Variants in KCNIP4 observed in about 807,000 individuals in gnomAD.
KCNIP4 encodes the protein Kv channel-interacting protein 4.
A neutral mutation model predicts 34.0 loss-of-function variants in KCNIP4; 12 were observed. That is an observed-to-expected ratio of 0.35 (90% confidence interval 0.23 to 0.57). The LOEUF (loss-of-function observed/expected upper bound fraction) is 0.57, where lower values mean the gene tolerates loss of function less well. KCNIP4 is among the 20% of genes least tolerant of loss of function. The probability of loss-of-function intolerance (pLI) is 0.83; values close to 1 mark genes in which losing one functional copy is unlikely to be tolerated. For missense variants in KCNIP4, 238 were observed against 311.7 expected (o/e 0.76, Z 1.78); for synonymous variants, 124 against 102.2 (o/e 1.21, Z -1.29).
intron 3 of KCNIP4, among the ~76,000 whole-genome samples, chr4:20,833,688 C>G (rs1301013976): frequency 3.3e-5 from 5 of 152,036 alleles, no homozygotes; most frequent in Admixed American, 3.3e-4. Context: ...GTCAGATGGG[C>G]TCAATATTAA....
intron 2 of KCNIP4, among the ~76,000 whole-genome samples, chr4:20,876,647 C>A (rs1724072653): frequency 1.3e-5 from 2 of 152,088 alleles, no homozygotes; most frequent in Non-Finnish European, 2.9e-5. Context: ...CAGCTCACTG[C>A]AACCTCCACC....
intron 1 of KCNIP4, among the ~76,000 whole-genome samples, chr4:21,655,385 G>A (rs1324998742): frequency 3.3e-5 from 5 of 151,942 alleles, no homozygotes; most frequent in African/African-American, 9.7e-5. Flanking sequence ...GCCAGAAACT[G>A]CCAACACATT....
intron 1 of KCNIP4, among the ~76,000 whole-genome samples, chr4:21,679,302 C>T (rs1750157787): frequency 6.6e-6 from 1 of 152,106 alleles, no homozygotes; most frequent in Admixed American, 6.5e-5. Context: ...AATTTACTGG[C>T]TTAGTATGTG....
Position 21,344,457 on chromosome 4 carries a change from T to C in KCNIP4, c.62-461748A>G, listed in dbSNP as rs189427546. Among the ~76,000 whole-genome samples, 8 of 152,190 alleles carry C rather than the reference T, an allele frequency of 5.3e-5. No individual in the cohort carries two copies. In the East Asian group the frequency reaches 1.5e-3, roughly 29 times the overall value. On this transcript the variant is annotated intron_variant, in intron 1 of 8. Transcript: ENST00000382152. Reference sequence around the variant, plus strand: ...TAGCCAAAGGTCTTGGAAACCAAATTGCAAAGATCAGGAGAGAGTTTTAAG... The same window carrying C: ...TAGCCAAAGGTCTTGGAAACCAAATCGCAAAGATCAGGAGAGAGTTTTAAG...
intron 1 of KCNIP4, among the ~76,000 whole-genome samples, chr4:21,555,729 T>C (rs1738955105): frequency 6.6e-6 from 1 of 152,186 alleles, no homozygotes; most frequent in African/African-American, 2.4e-5. Context: ...AAAATACTTT[T>C]CTTCAAATAC....
chr4:21,538,156 C>T (rs1333601117), intron 1 of KCNIP4, among the ~76,000 whole-genome samples: 1 of 151,650 alleles, frequency 6.6e-6, no homozygotes, highest in Non-Finnish European at 1.5e-5. Context: ...TTACCACCAA[C>T]CATCAGAAGC....
At chr4:21,785,293 G>A (rs189260982) in intron 1 of KCNIP4, among the ~76,000 whole-genome samples, 2,708 of 143,668 alleles carry the variant, frequency 0.019, 74 homozygotes, top group African/African-American at 0.064. Context: ...ATATCACTTC[G>A]AAAAAAAAAA....
chr4:21,449,467 T>G (rs961813519), intron 1 of KCNIP4, among the ~76,000 whole-genome samples: 3 of 152,078 alleles, frequency 2.0e-5, no homozygotes, highest in African/African-American at 7.2e-5. Context: ...GCTGATGATA[T>G]TGTAGTAATT....
chr4:20,987,696 C>T (rs759778526), intron 1 of KCNIP4, among the ~76,000 whole-genome samples: 43 of 152,196 alleles, frequency 2.8e-4, no homozygotes, highest in Admixed American at 1.0e-3. Context: ...TCAGGCACTA[C>T]TCTAAAATAT....
At chr4:21,044,968 T>G (rs1742308245) in intron 1 of KCNIP4, among the ~76,000 whole-genome samples, 1 of 152,138 alleles carries the variant, frequency 6.6e-6, no homozygotes, top group Non-Finnish European at 1.5e-5. Flanking sequence ...GTAGTAAGGA[T>G]AAATGAGATC....
intron 3 of KCNIP4, among the ~76,000 whole-genome samples, chr4:20,781,989 T>C (rs1431613615): frequency 1.3e-5 from 2 of 152,092 alleles, no homozygotes; most frequent in African/African-American, 4.8e-5. Context: ...TAGGTAAATA[T>C]AGCCATTCCA....
chr4:20,773,817 T>C (rs1756126562), intron 3 of KCNIP4, among the ~76,000 whole-genome samples: 1 of 152,196 alleles, frequency 6.6e-6, no homozygotes, highest in Non-Finnish European at 1.5e-5. Flanking sequence ...ATTTTGGATA[T>C]TACATTTGGT....
chr4:21,454,193 G>A (rs1239640940), intron 1 of KCNIP4, among the ~76,000 whole-genome samples: 4 of 151,984 alleles, frequency 2.6e-5, no homozygotes, highest in Non-Finnish European at 4.4e-5. Flanking sequence ...GACGTGTCCC[G>A]AGATTTTACT....
intron 1 of KCNIP4, among the ~76,000 whole-genome samples, chr4:21,236,349 AC>A (rs1759357454): frequency 6.6e-6 from 1 of 152,176 alleles, no homozygotes; most frequent in Non-Finnish European, 1.5e-5. Context: ...TGGACTGGTG[AC>A]ATTTGTATAA....
chr4:21,256,213 C>G (rs1485378843), intron 1 of KCNIP4, among the ~76,000 whole-genome samples: 1 of 152,130 alleles, frequency 6.6e-6, no homozygotes, highest in African/African-American at 2.4e-5. Flanking sequence ...GAGGAGGACA[C>G]TGCAAGTACA....
At chr4:21,065,726 C>CCATATA (rs1347877012) in intron 1 of KCNIP4, among the ~76,000 whole-genome samples, 1 of 86,370 alleles carries the variant, frequency 1.2e-5, no homozygotes, top group Non-Finnish European at 2.3e-5. Flanking sequence ...TATCATTTGT[C>CCATATA]TATATATATA....
chr4:20,901,286 T>C (rs10516370), intron 1 of KCNIP4, among the ~76,000 whole-genome samples: 3,552 of 152,328 alleles, frequency 0.023, 120 homozygotes, highest in African/African-American at 0.073. Context: ...CTTCCCATAC[T>C]GGGTTTCTCT....
At chr4:21,695,530 C>A (rs1378119044) in intron 1 of KCNIP4, among the ~76,000 whole-genome samples, 1 of 151,978 alleles carries the variant, frequency 6.6e-6, no homozygotes, top group Admixed American at 6.6e-5. Flanking sequence ...TACTGCTATA[C>A]CAGCTTTCCA....
chr4:21,273,071 C>A (rs939746180), intron 1 of KCNIP4, among the ~76,000 whole-genome samples: 1 of 152,108 alleles, frequency 6.6e-6, no homozygotes. Flanking sequence ...GCTTTGTTGA[C>A]AATGTAGTTG....
Sources: gnomAD v4.1 joint callset for allele counts (sites outside exome capture counted in the v4.1 genomes callset) on GRCh38, gnomAD v4.1.1 for gene constraint, MANE v1.5 for transcripts, NCBI Gene and HGNC (gene_info 2026-07-23, HGNC 2026-07-21) for gene names.